Variants in SLCO1A2 observed in about 807,000 individuals in gnomAD.
SLCO1A2 encodes OATP-1.
SLCO1A2 carries 67 observed loss-of-function variants against 69.0 expected under a neutral mutation model. That is an observed-to-expected ratio of 0.97 (90% CI 0.80 to 1.19). The LOEUF (loss-of-function observed/expected upper bound fraction) is 1.19, where lower values mean the gene tolerates loss of function less well. SLCO1A2 is among the 50% of genes most tolerant of loss of function. SLCO1A2 has a pLI of 0.00. For synonymous variants in SLCO1A2, 260 were observed against 265.9 expected (o/e 0.98, Z 0.22); for missense variants, 787 against 793.7 (o/e 0.99, Z 0.10).
chr12:21,355,861 A>C (rs1343319496), intron 2 of SLCO1A2, among the ~76,000 whole-genome samples: 1 of 152,196 alleles, frequency 6.6e-6, no homozygotes, highest in Non-Finnish European at 1.5e-5. Context: ...AAAACTGATT[A>C]TTTCTAATTA....
At chr12:21,293,051 T>G (rs187007245) in intron 11 of SLCO1A2, among the ~76,000 whole-genome samples, 58 of 151,806 alleles carry the variant, frequency 3.8e-4, no homozygotes, top group Middle Eastern at 3.4e-3. Context: ...ACGCCTGTAA[T>G]CCCAGCACTT....
At chr12:21,340,895 T>C (rs563997044) in intron 2 of SLCO1A2, among the ~76,000 whole-genome samples, 1 of 152,142 alleles carries the variant, frequency 6.6e-6, no homozygotes, top group East Asian at 1.9e-4. Context: ...AGCTTTAATA[T>C]AACATACAAT....
chr12:21,355,117 AT>A (rs1246825939), intron 2 of SLCO1A2: 2 of 152,208 alleles, frequency 1.3e-5, no homozygotes, highest in African/African-American at 2.4e-5. Context: ...TTTCTTTATC[AT>A]ATGATCCATG....
At chr12:21,359,434 T>C (rs1334519310) in intron 2 of SLCO1A2, among the ~76,000 whole-genome samples, 2 of 151,688 alleles carry the variant, frequency 1.3e-5, no homozygotes, top group Non-Finnish European at 2.9e-5. Context: ...ATCGCCTGGC[T>C]AAAAGAACCA....
chr12:21,313,150 C>T (rs953309358), intron 4 of SLCO1A2, among the ~76,000 whole-genome samples: 1 of 152,150 alleles, frequency 6.6e-6, no homozygotes, highest in Non-Finnish European at 1.5e-5. Flanking sequence ...AAAACAATTA[C>T]ATTAGTAATA....
intron 2 of SLCO1A2, among the ~76,000 whole-genome samples, chr12:21,357,099 G>A (rs1938428295): frequency 6.6e-6 from 1 of 152,104 alleles, no homozygotes; most frequent in Admixed American, 6.6e-5. Flanking sequence ...AGAATGTCCA[G>A]AAAACCTTTA....
At chr12:21,374,027 A>T (rs1940000916) in intron 2 of SLCO1A2, among the ~76,000 whole-genome samples, 1 of 152,186 alleles carries the variant, frequency 6.6e-6, no homozygotes, top group South Asian at 2.1e-4. Context: ...TGTGAGTGAA[A>T]CAGATTTATA....
intron 14 of SLCO1A2, 105 bp from the exon 15 acceptor site, chr12:21,269,872 G>A (rs899492969): frequency 1.3e-6 from 1 of 748,870 alleles, no homozygotes; most frequent in African/African-American, 1.8e-5. Context: ...AGCAGCTGAT[G>A]GTTTTGCATG....
chr12:21,407,371 G>T (rs945946113), intron 1 of SLCO1A2, among the ~76,000 whole-genome samples: 2 of 152,210 alleles, frequency 1.3e-5, no homozygotes, highest in South Asian at 4.1e-4. Context: ...ACAAGATGCA[G>T]TTGGAGCGTT....
chr12:21,273,778 C>T (rs898881257), intron 14 of SLCO1A2, among the ~76,000 whole-genome samples: 1 of 152,130 alleles, frequency 6.6e-6, no homozygotes, highest in African/African-American at 2.4e-5. Context: ...CCCCATACTT[C>T]TTGATATGTG....
chr12:21,269,789 C>T, intron 14 of SLCO1A2, 22 bp from the exon 15 acceptor site: 1 of 1,575,476 alleles, frequency 6.3e-7, no homozygotes, highest in Middle Eastern at 1.7e-4. Context: ...AAAGTTAAAA[C>T]ATATTAAATA....
chr12:21,283,864 T>C (rs1017548819), intron 12 of SLCO1A2, among the ~76,000 whole-genome samples: 1 of 152,142 alleles, frequency 6.6e-6, no homozygotes, highest in Non-Finnish European at 1.5e-5. Flanking sequence ...CAATGAGATA[T>C]CATCTCACCC....
chr12:21,271,656 T>G (rs1285864591), intron 14 of SLCO1A2, among the ~76,000 whole-genome samples: 1 of 121,310 alleles, frequency 8.2e-6, no homozygotes, highest in Non-Finnish European at 2.0e-5. Flanking sequence ...TATATACATA[T>G]GTGTATATAA....
At chr12:21,404,236 A>G (rs1420401115) in intron 1 of SLCO1A2, among the ~76,000 whole-genome samples, 1 of 151,908 alleles carries the variant, frequency 6.6e-6, no homozygotes, top group African/African-American at 2.4e-5. Context: ...TATTTATTTT[A>G]TTTTATTTTA....
chr12:21,318,974 A>G lies in SLCO1A2; in HGVS notation c.61-51T>C, dbSNP rs567045982. On this transcript the variant is annotated intron_variant, in intron 2 of 14. Transcript: ENST00000683939. Reference sequence around the variant, plus strand: ...AGAAAAAATTATTTTTAAATTGTATACTTGCCGTCTGTTGACAAAATGCCT... The same window carrying G: ...AGAAAAAATTATTTTTAAATTGTATGCTTGCCGTCTGTTGACAAAATGCCT... 16 of 1,405,464 alleles carry G rather than the reference A, an allele frequency of 1.1e-5. No individual in the cohort carries two copies. In the East Asian group the frequency reaches 3.6e-4, roughly 32 times the overall value. 87.1% of individuals were successfully genotyped at this position (1,405,464 alleles called of 1,614,324 possible). A position where few individuals can be genotyped will look rare whatever the true frequency, so the allele number is the denominator to read the frequency against.
intron 1 of SLCO1A2, among the ~76,000 whole-genome samples, chr12:21,409,701 T>C (rs1425996095): frequency 6.6e-6 from 1 of 152,166 alleles, no homozygotes; most frequent in Non-Finnish European, 1.5e-5. Context: ...TTCACATGTC[T>C]ATGGTGACAC....
At chr12:21,295,219 A>G (rs968505951) in intron 10 of SLCO1A2, 3 of 156,550 alleles carry the variant, frequency 1.9e-5, no homozygotes, top group Admixed American at 1.3e-4. Flanking sequence ...TTTTGACTGT[A>G]TAATCAACTC....
intron 2 of SLCO1A2, among the ~76,000 whole-genome samples, chr12:21,340,750 G>A (rs576321294): frequency 1.3e-5 from 2 of 151,984 alleles, no homozygotes; most frequent in Admixed American, 6.6e-5. Flanking sequence ...ATACTTGTCT[G>A]TCTCGGGTTT....
chr12:21,321,143 T>C (rs1426770597), intron 2 of SLCO1A2, among the ~76,000 whole-genome samples: 1 of 152,210 alleles, frequency 6.6e-6, no homozygotes, highest in African/African-American at 2.4e-5. Context: ...TCTCAGTCAT[T>C]TGATACTATT....
Sources: allele counts gnomAD v4.1 joint callset (sites outside exome capture counted in the v4.1 genomes callset), GRCh38; gene constraint gnomAD v4.1.1; transcripts MANE v1.5; gene names NCBI Gene and HGNC (gene_info 2026-07-23, HGNC 2026-07-21).